Variants in ANO2 observed in about 807,000 individuals in gnomAD.
ANO2 encodes the protein anoctamin-2.
Under a neutral mutation model 124.2 loss-of-function variants are expected in ANO2, and 101 were observed. That is an observed-to-expected ratio of 0.81 (90% confidence interval 0.69 to 0.96). The LOEUF (loss-of-function observed/expected upper bound fraction) is 0.96. ANO2 is among the 40% of genes least tolerant of loss of function. ANO2 has a pLI of 0.00. For synonymous variants in ANO2, 486 were observed against 482.5 expected, an observed-to-expected ratio of 1.01 and a Z score of -0.09; for missense variants, 1,293 against 1,274.5, an observed-to-expected ratio of 1.01 and a Z score of -0.22.
chr12:5,607,972 T>C (rs1444527979), intron 19 of ANO2, among the ~76,000 whole-genome samples: 1 of 151,984 alleles, frequency 6.6e-6, no homozygotes, highest in African/African-American at 2.4e-5. Context: ...CATCCCAAAA[T>C]CACACCCCAC....
intron 14 of ANO2, among the ~76,000 whole-genome samples, chr12:5,722,691 T>C (rs1045306147): frequency 5.3e-5 from 8 of 152,102 alleles, no homozygotes; most frequent in African/African-American, 1.9e-4. Flanking sequence ...GGAACCACGA[T>C]CTGATGAAAT....
intron 15 of ANO2, among the ~76,000 whole-genome samples, chr12:5,640,012 C>T (rs1275165525): frequency 1.3e-5 from 2 of 152,098 alleles, no homozygotes; most frequent in African/African-American, 4.8e-5. Flanking sequence ...CGACAATTCC[C>T]CCCTTACAAG....
intron 23 of ANO2, among the ~76,000 whole-genome samples, chr12:5,568,136 C>CTTTTT (rs71445654): frequency 3.0e-4 from 34 of 112,754 alleles, no homozygotes; most frequent in Non-Finnish European, 4.0e-4. Context: ...CCACCCTATG[C>CTTTTT]TTTTTTTTTT....
intron 1 of ANO2, among the ~76,000 whole-genome samples, chr12:5,935,522 A>T (rs1035834414): frequency 6.6e-6 from 1 of 152,218 alleles, no homozygotes; most frequent in African/African-American, 2.4e-5. Flanking sequence ...AGCCAAATGC[A>T]GATCGCTCTT....
chr12:5,707,421 A>C (rs377608432), intron 14 of ANO2, among the ~76,000 whole-genome samples: 1 of 152,228 alleles, frequency 6.6e-6, no homozygotes. Flanking sequence ...TACAATTTAC[A>C]TAATTCCTTT....
At chr12:5,692,379 A>C (rs1388758204) in intron 14 of ANO2, among the ~76,000 whole-genome samples, 1 of 152,114 alleles carries the variant, frequency 6.6e-6, no homozygotes, top group South Asian at 2.1e-4. Flanking sequence ...GATTTGGATG[A>C]ACTTAAGTAA....
chr12:5,633,338 T>A (rs1945829304), intron 16 of ANO2, among the ~76,000 whole-genome samples: 1 of 152,150 alleles, frequency 6.6e-6, no homozygotes, highest in Admixed American at 6.5e-5. Flanking sequence ...AGAGAGAATG[T>A]CTGTTTGGCT....
chr12:5,578,103 G>T, intron 21 of ANO2, 96 bp from the exon 22 acceptor site: 3 of 1,457,276 alleles, frequency 2.1e-6, no homozygotes, highest in Non-Finnish European at 2.8e-6. Flanking sequence ...GGTGAACTAC[G>T]GAGCAGCTTT....
intron 10 of ANO2, 44 bp downstream of exon 10, chr12:5,799,463 T>G (rs771427825): frequency 1.3e-6 from 2 of 1,521,504 alleles, no homozygotes; most frequent in African/African-American, 2.7e-5. Flanking sequence ...CTTTCAGGAC[T>G]TGCATCTCCA....
At chr12:5,857,334 T>TG in intron 3 of ANO2, among the ~76,000 whole-genome samples, 1 of 152,160 alleles carries the variant, frequency 6.6e-6, no homozygotes. Flanking sequence ...GCAATAAACA[T>TG]GGGGGTGCAG....
chr12:5,761,156 C>A (rs1398531100), intron 10 of ANO2, among the ~76,000 whole-genome samples: 1 of 151,916 alleles, frequency 6.6e-6, no homozygotes, highest in Admixed American at 6.6e-5. Context: ...AAATACTCAT[C>A]CAAAACTCCT....
chr12:5,602,691 A>G (rs2136887424), intron 19 of ANO2, among the ~76,000 whole-genome samples: 1 of 152,126 alleles, frequency 6.6e-6, no homozygotes, highest in Middle Eastern at 3.4e-3. Flanking sequence ...CATAATGGTG[A>G]AAAAAAAGCC....
intron 3 of ANO2, among the ~76,000 whole-genome samples, chr12:5,898,352 G>A (rs542431051): frequency 1.2e-4 from 19 of 152,180 alleles, no homozygotes; most frequent in Admixed American, 2.6e-4. Context: ...TACTAAAGCT[G>A]GTCATCACCT....
chr12:5,866,350 C>G (rs1489253673), intron 3 of ANO2, among the ~76,000 whole-genome samples: 2 of 152,150 alleles, frequency 1.3e-5, no homozygotes, highest in Non-Finnish European at 2.9e-5. Flanking sequence ...AATTGGTTGT[C>G]TTTAGGGACA....
chr12:5,883,502 G>GGTGT (rs5796191), intron 3 of ANO2, among the ~76,000 whole-genome samples: 5,875 of 144,612 alleles, frequency 0.041, 177 homozygotes, highest in African/African-American at 0.088. Context: ...ACATTAGGGT[G>GGTGT]GTGTGTGTGT....
intron 20 of ANO2, among the ~76,000 whole-genome samples, chr12:5,588,008 G>C (rs890043307): frequency 2.0e-5 from 3 of 152,228 alleles, no homozygotes; most frequent in Admixed American, 6.5e-5. Flanking sequence ...TGGGCTCAGC[G>C]CACTTCCTGT....
intron 11 of ANO2, among the ~76,000 whole-genome samples, chr12:5,748,434 G>A (rs550317723): frequency 6.6e-6 from 1 of 152,144 alleles, no homozygotes; most frequent in South Asian, 2.1e-4. Context: ...TTGTGAAGGA[G>A]GATATGAGCC....
At chr12:5,766,078 A>C (rs1951880168) in intron 10 of ANO2, among the ~76,000 whole-genome samples, 1 of 152,232 alleles carries the variant, frequency 6.6e-6, no homozygotes, top group South Asian at 2.1e-4. Flanking sequence ...AATGTGGAGA[A>C]ACCAGAACTC....
intron 14 of ANO2, among the ~76,000 whole-genome samples, chr12:5,686,172 T>A (rs1948698589): frequency 6.6e-6 from 1 of 152,058 alleles, no homozygotes; most frequent in South Asian, 2.1e-4. Context: ...CCCCACTCTC[T>A]CCACTTCCCT....
Sources: allele counts gnomAD v4.1 joint callset (sites outside exome capture counted in the v4.1 genomes callset), GRCh38; gene constraint gnomAD v4.1.1; transcripts MANE v1.5; gene names NCBI Gene and HGNC (gene_info 2026-07-23, HGNC 2026-07-21).